The following SCAPER variants were observed in gnomAD, a reference collection of about 807,000 sequenced individuals.
SCAPER encodes the protein S phase cyclin A-associated protein in the endoplasmic reticulum.
Under a neutral mutation model 182.2 loss-of-function variants are expected in SCAPER, and 98 were observed. The ratio of observed to expected loss-of-function variants is 0.54; its 90% confidence interval spans 0.46 to 0.64. SCAPER has a LOEUF of 0.64. Ranked by LOEUF, SCAPER falls within the 30% of genes least tolerant of loss-of-function variation. SCAPER has a pLI of 0.00. For missense variants in SCAPER, 1,432 were observed against 1,690.0 expected (o/e 0.85, Z 2.68); for synonymous variants, 605 against 564.6 (o/e 1.07, Z -1.01).
chr15:76,424,872 T>G (rs1180121703), intron 26 of SCAPER, among the ~76,000 whole-genome samples: 1 of 152,168 alleles, frequency 6.6e-6, no homozygotes, highest in African/African-American at 2.4e-5. Flanking sequence ...CTCCTTCACT[T>G]ATGAAGCTTA....
At chr15:76,508,650 G>C (rs2041786062) in intron 23 of SCAPER, among the ~76,000 whole-genome samples, 1 of 152,094 alleles carries the variant, frequency 6.6e-6, no homozygotes, top group African/African-American at 2.4e-5. Context: ...CTGATGACCA[G>C]GCAGGTTGAA....
At chr15:76,516,725 T>C (rs1478923288) in intron 23 of SCAPER, among the ~76,000 whole-genome samples, 2 of 152,194 alleles carry the variant, frequency 1.3e-5, no homozygotes, top group East Asian at 1.9e-4. Context: ...TTTGGGTATA[T>C]ACCCAGTAAT....
Position 76,381,286 on chromosome 15 carries a change from T to C in SCAPER, c.3705+92A>G, listed in dbSNP as rs17460201. On this transcript the variant is annotated intron_variant, in intron 28 of 31. Transcript: ENST00000563290. ...TCCATTTATTGTAGTTTATTCCTTA[T>C]GCCCCAATTCAGGAGAAGAATCTGA... 0.47 allele frequency: 443,991 copies of C among 939,438 alleles called. 111,387 individuals carry two copies. The highest frequency in any genetic ancestry group is 0.53 in the Non-Finnish European group (314,965 of 599,148). 58.2% of individuals were successfully genotyped at this position (939,438 alleles called of 1,614,324 possible).
At chr15:76,609,870 G>A (rs1031569434) in intron 22 of SCAPER, among the ~76,000 whole-genome samples, 2 of 152,094 alleles carry the variant, frequency 1.3e-5, no homozygotes, top group Non-Finnish European at 2.9e-5. Context: ...ACTTTAACCA[G>A]TACTTCTTTT....
chr15:76,445,787 C>A (rs1002594105), intron 25 of SCAPER, among the ~76,000 whole-genome samples: 3 of 152,122 alleles, frequency 2.0e-5, no homozygotes, highest in African/African-American at 7.2e-5. Flanking sequence ...AAAAATCAGG[C>A]TTCCAATACA....
intron 1 of SCAPER, among the ~76,000 whole-genome samples, chr15:76,896,180 G>T (rs2074425765): frequency 6.6e-6 from 1 of 151,888 alleles, no homozygotes; most frequent in Non-Finnish European, 1.5e-5. Context: ...GACCAGCCTG[G>T]GCAACATGGC....
rs62028377 is a variant in SCAPER at position 76,371,480 on chromosome 15, C to G, written c.3855+4682G>C. Among the ~76,000 whole-genome samples, 353 of 151,624 alleles carry G rather than the reference C, an allele frequency of 2.3e-3. 4 individuals carry two copies. Among genetic ancestry groups the G allele is most frequent in the African/African-American group, 7.9e-3 (325 of 41,374 alleles). On this transcript the variant is annotated intron_variant, in intron 29 of 31. Transcript: ENST00000563290. ...GATTATAGGCGTGTGCCACCACGCT[C>G]GGCTAATTTTTGTGTTTGTAGTAGA...
chr15:76,817,072 C>A (rs903225387), intron 5 of SCAPER, among the ~76,000 whole-genome samples: 4 of 152,178 alleles, frequency 2.6e-5, no homozygotes, highest in Admixed American at 6.5e-5. Flanking sequence ...TCATCACAAA[C>A]ACTGAGTAAT....
intron 24 of SCAPER, among the ~76,000 whole-genome samples, chr15:76,497,905 T>A (rs1307888213): frequency 6.9e-6 from 1 of 145,452 alleles, no homozygotes; most frequent in African/African-American, 2.6e-5. Flanking sequence ...GCAGGAGAAT[T>A]GCTTGAACCT....
intron 2 of SCAPER, among the ~76,000 whole-genome samples, chr15:76,865,521 C>A (rs1300323405): frequency 6.6e-6 from 1 of 151,738 alleles, no homozygotes; most frequent in Non-Finnish European, 1.5e-5. Context: ...TAAAGGAGAA[C>A]AAAGAAATAA....
At chr15:76,734,670 G>A (rs2061136583) in intron 15 of SCAPER, among the ~76,000 whole-genome samples, 1 of 152,140 alleles carries the variant, frequency 6.6e-6, no homozygotes, top group South Asian at 2.1e-4. Context: ...AAGGTCAGGA[G>A]TGCAAGCTAG....
intron 22 of SCAPER, chr15:76,577,061 G>A (rs2047883485): frequency 6.6e-6 from 1 of 152,210 alleles, no homozygotes; most frequent in African/African-American, 2.4e-5. Flanking sequence ...AGCCAAGGGA[G>A]TGTTTGCACC....
chr15:76,494,594 A>G lies in SCAPER; in HGVS notation c.2954+10265T>C, dbSNP rs1038426789. Among the ~76,000 whole-genome samples, 4 of 152,312 alleles carry G rather than the reference A, an allele frequency of 2.6e-5. No individual in the cohort carries two copies. The East Asian group carries it at 7.7e-4, about 29-fold the overall frequency. ...AAAGTTTTATGTTCATAAATCAGAAAGAAAAGTACAGCTGTCGTCACCCTG... is the reference window on the plus strand; with the variant it reads ...AAAGTTTTATGTTCATAAATCAGAAGGAAAAGTACAGCTGTCGTCACCCTG... On this transcript the variant is annotated intron_variant, in intron 24 of 31. Coordinates refer to ENST00000563290, the MANE Select transcript of SCAPER (RefSeq NM_020843.4).
chr15:76,780,726 T>A lies in SCAPER; in HGVS notation c.773-5609A>T, dbSNP rs1051054323. Among the ~76,000 whole-genome samples the A allele has an allele frequency of 7.9e-5, 12 of 152,130 alleles. 1 individual carries two copies. The highest frequency in any genetic ancestry group is 2.9e-4 in the African/African-American group (12 of 41,428). On this transcript the variant is annotated intron_variant, in intron 8 of 31. Transcript: ENST00000563290. Reference sequence around the variant, plus strand: ...CTTGCTGTTCTGCAACCTCCACTGGTGATACCCAGGCAAACAGGTTCTGGA... The same window carrying A: ...CTTGCTGTTCTGCAACCTCCACTGGAGATACCCAGGCAAACAGGTTCTGGA...
chr15:76,673,561 A>T (rs2057171640), intron 20 of SCAPER, among the ~76,000 whole-genome samples: 1 of 152,152 alleles, frequency 6.6e-6, no homozygotes. Flanking sequence ...GATATTTGGT[A>T]TGGAAGAAAA....
At chr15:76,696,941 AAAC>A (rs1422479131) in intron 20 of SCAPER, among the ~76,000 whole-genome samples, 11 of 152,192 alleles carry the variant, frequency 7.2e-5, no homozygotes, top group African/African-American at 2.7e-4. Context: ...TAAAAACACA[AAAC>A]AATAAAGCCT....
At chr15:76,469,772 C>T (rs751198633) in intron 25 of SCAPER, among the ~76,000 whole-genome samples, 11 of 152,100 alleles carry the variant, frequency 7.2e-5, no homozygotes, top group South Asian at 4.1e-4. Context: ...AATAGTAATA[C>T]TGACTTTAAG....
chr15:76,518,380 T>C (rs1413220835), intron 23 of SCAPER, among the ~76,000 whole-genome samples: 3 of 152,180 alleles, frequency 2.0e-5, no homozygotes, highest in East Asian at 1.9e-4. Flanking sequence ...TTGCAATATA[T>C]ATATTTTTTC....
chr15:76,669,766 A>C (rs1359196380), intron 20 of SCAPER, among the ~76,000 whole-genome samples: 1 of 152,150 alleles, frequency 6.6e-6, no homozygotes, highest in African/African-American at 2.4e-5. Flanking sequence ...ATTACTCCAC[A>C]TTCCCTCCCG....
Sources: gnomAD v4.1 joint callset for allele counts (sites outside exome capture counted in the v4.1 genomes callset) on GRCh38, gnomAD v4.1.1 for gene constraint, MANE v1.5 for transcripts, NCBI Gene and HGNC (gene_info 2026-07-23, HGNC 2026-07-21) for gene names.